Variants in PCDHGA6 observed in about 807,000 individuals in gnomAD.
The protein encoded by PCDHGA6 is protocadherin gamma subfamily A, 6, also known as protocadherin gamma-A6.
Under a neutral mutation model 60.6 loss-of-function variants are expected in PCDHGA6, and 41 were observed. The ratio of observed to expected loss-of-function variants is 0.68; its 90% CI spans 0.53 to 0.88. The LOEUF is 0.88. Ranked by LOEUF, PCDHGA6 falls within the 40% of genes least tolerant of loss-of-function variation. The pLI is 0.00. For missense variants in PCDHGA6, 1,312 were observed against 1,203.0 expected (o/e 1.09, Z -1.34); for synonymous variants, 594 against 524.4 (o/e 1.13, Z -1.81).
rs548065153 is a variant in PCDHGA6, at chr5:141,375,535, C to T, written c.1452C>T (p.Asn484=). The change falls in exon 1 of 4, where the codon AAC becomes AAT. Residue 484 remains asparagine, a synonymous_variant. Coordinates refer to ENST00000517434, the MANE Select transcript of PCDHGA6 (RefSeq NM_018919.3). ...VNALDPDVDQ[N]AQVSYSLAED... ...CACTGGACCCTGACGTGGACCAGAA[C>T]GCCCAAGTCTCCTACTCACTGGCAG... 89 of 1,614,018 alleles carry T rather than the reference C, an allele frequency of 5.5e-5. No individual in the cohort carries two copies. Among genetic ancestry groups the T allele is most frequent in the Non-Finnish European group, 6.9e-5 (82 of 1,179,930 alleles).
At position 141,414,131 on chromosome 5, in the gene PCDHGA6, A is replaced by G. The variant is rs977911874; in HGVS notation, c.2424+37624A>G. 1.9e-6 allele frequency: 3 copies of G among 1,594,622 alleles called. No homozygotes were observed. The highest frequency in any genetic ancestry group is 2.7e-5 in the African/African-American group (2 of 74,402). The stretch of plus-strand genomic sequence containing the variant: ...CTAGATTATGAAGAAACCGGTTTCT[A>G]TGAAATAGAAATACAAGCAGAAGAT... On this transcript the variant is annotated intron_variant, in intron 1 of 3. Transcript: ENST00000517434.
At chr5:141,441,746 C>CGTCAA in intron 1 of PCDHGA6, 1 of 371,314 alleles carries the variant, frequency 2.7e-6, no homozygotes, top group Non-Finnish European at 5.4e-6. Context: ...TCGCGCTCGG[C>CGTCAA]GTCAACGTGA....
rs1304554303 is a variant in PCDHGA6, at chr5:141,403,611, C to G, written c.2424+27104C>G. 3 of 1,613,860 alleles carry G rather than the reference C, an allele frequency of 1.9e-6. No homozygotes were observed. The highest frequency in any genetic ancestry group is 2.5e-6 in the Non-Finnish European group (3 of 1,179,892). Reference sequence around the variant, plus strand: ...CTCACGGCCTCGGATGGCGGCGAGCCGCGTCGCTCCAGCACAGTGCGCATC... The same window carrying G: ...CTCACGGCCTCGGATGGCGGCGAGCGGCGTCGCTCCAGCACAGTGCGCATC... On this transcript the variant is annotated intron_variant, in intron 1 of 3. Transcript: ENST00000517434.
chr5:141,438,733 C>T (rs2098057443), intron 1 of PCDHGA6, among the ~76,000 whole-genome samples: 1 of 149,042 alleles, frequency 6.7e-6, no homozygotes, highest in Non-Finnish European at 1.5e-5. Context: ...GTGATCTCAG[C>T]TCACTGCAAC....
chr5:141,389,230 T>G, intron 1 of PCDHGA6: 1 of 1,613,936 alleles, frequency 6.2e-7, no homozygotes, highest in Non-Finnish European at 8.5e-7. Flanking sequence ...AACGCTCCGG[T>G]TTTCTCACAG....
chr5:141,477,312 T>G lies in PCDHGA6; in HGVS notation c.2425-17495T>G. On this transcript the variant is annotated intron_variant, in intron 1 of 3. Coordinates refer to ENST00000517434, the MANE Select transcript of PCDHGA6 (RefSeq NM_018919.3). This position sits in a 1 kb window ranked among gnomAD's most constrained non-coding sequence, Gnocchi z 4.9. ...GTTCCACCGGGTCTCCCTTTCAGCC[T>G]TACTTCTTCCCTCAAGAATTACTTC... The G allele has an allele frequency of 1.2e-6, 2 of 1,614,162 alleles. No individual in the cohort carries two copies. The highest frequency in any genetic ancestry group is 1.7e-6 in the Non-Finnish European group (2 of 1,180,032).
rs200715621 is a variant in PCDHGA6 at position 141,432,628 on chromosome 5, G to A, written c.2424+56121G>A. 3.2e-4 allele frequency: 515 copies of A among 1,611,902 alleles called. No individual in the cohort carries two copies. Among genetic ancestry groups the A allele is most frequent in the Non-Finnish European group, 4.2e-4 (497 of 1,179,404 alleles). On this transcript the variant is annotated intron_variant, in intron 1 of 3. Coordinates refer to ENST00000517434, the MANE Select transcript of PCDHGA6 (RefSeq NM_018919.3). The surrounding 1 kb of genome is among the most constrained non-coding windows in gnomAD (Gnocchi z 6.0). ...GACTCTTCTCGGTGGGTCTGCACAC[G>A]GGCGAGGTGCGCACGGCGCGAGCCC...
chr5:141,410,847 G>GTATTTTTTT, intron 1 of PCDHGA6: 1 of 158,252 alleles, frequency 6.3e-6, no homozygotes, highest in African/African-American at 8.4e-5. Context: ...TTTTGTCTTT[G>GTATTTTTTT]TCTTTTTTTT....
Position 141,432,759 on chromosome 5 carries a change from G to A in PCDHGA6, c.2424+56252G>A. 6.2e-7 allele frequency: 1 copy of A among 1,614,150 alleles called. No individual in the cohort carries two copies. The highest frequency in any genetic ancestry group is 8.5e-7 in the Non-Finnish European group (1 of 1,180,006). On this transcript the variant is annotated intron_variant, in intron 1 of 3. Coordinates refer to ENST00000517434, the MANE Select transcript of PCDHGA6 (RefSeq NM_018919.3). This position sits in a 1 kb window ranked among gnomAD's most constrained non-coding sequence, Gnocchi z 6.0. ...ACGCTCACCGTGGCCGTGGCCGACA[G>A]CATCCCCCAAGTCCTGGCGGACCTC...
intron 1 of PCDHGA6, chr5:141,405,569 A>G: frequency 1.7e-6 from 1 of 604,184 alleles, no homozygotes. Context: ...GGACTAGAGT[A>G]GAGTAGCTGG....
chr5:141,510,223 G>C (rs944276162), intron 3 of PCDHGA6, among the ~76,000 whole-genome samples: 1 of 151,302 alleles, frequency 6.6e-6, no homozygotes, highest in African/African-American at 2.4e-5. Context: ...CAGTGAGCCG[G>C]GATCGCGCCA....
chr5:141,482,923 AT>A (rs1193255251), intron 1 of PCDHGA6, among the ~76,000 whole-genome samples: 10 of 152,074 alleles, frequency 6.6e-5, no homozygotes, highest in Non-Finnish European at 1.5e-4. Context: ...AATACAAAAA[AT>A]TAGCCAGGTG....
intron 1 of PCDHGA6, among the ~76,000 whole-genome samples, chr5:141,397,601 T>C (rs1225684125): frequency 5.3e-5 from 8 of 152,198 alleles, no homozygotes; most frequent in Admixed American, 3.3e-4. Flanking sequence ...ATATTGCCAG[T>C]GACAAGGGCA....
At chr5:141,478,586 T>C (rs754157570) in intron 1 of PCDHGA6, 6 of 1,576,788 alleles carry the variant, frequency 3.8e-6, no homozygotes, top group Non-Finnish European at 3.4e-6. Context: ...GTTAGTGCTT[T>C]TTTATTCCTA....
At position 141,427,625 on chromosome 5, in the gene PCDHGA6, T is replaced by G. The variant is rs150347956; in HGVS notation, c.2424+51118T>G. On this transcript the variant is annotated intron_variant, in intron 1 of 3. Coordinates refer to ENST00000517434, the MANE Select transcript of PCDHGA6 (RefSeq NM_018919.3). Reference sequence around the variant, plus strand: ...GCATTGGTGAAGTCAACGACAATGCTCCGGTTTTCCACCAAGTCTCCTACG... The same window carrying G: ...GCATTGGTGAAGTCAACGACAATGCGCCGGTTTTCCACCAAGTCTCCTACG... The G allele has an allele frequency of 2.7e-3, 1,907 of 699,068 alleles. 5 individuals are homozygous for G. The highest frequency in any genetic ancestry group is 4.1e-3 in the Non-Finnish European group (1,558 of 384,098). The allele number at this position is 699,068 out of a possible 1,614,324, so 43.3% of individuals were successfully genotyped here.
chr5:141,505,443 C>A lies in PCDHGA6; in HGVS notation c.2534C>A (p.Thr845Lys). ...TGTWPNNQFD[T>K]EMLQAMILAS... ...ACCTGGCCCAACAACCAGTTTGACA[C>A]AGAGATGCTGCAAGCCATGATCTTG... Residue 845 changes from threonine to lysine, a missense_variant, in exon 3 of 4, where the codon ACA becomes AAA. Physicochemically the swap from Thr to Lys is moderately conservative, Grantham distance 78. Transcript: ENST00000517434. 2 of 1,614,224 alleles carry A rather than the reference C, an allele frequency of 1.2e-6. No homozygotes were observed. Among genetic ancestry groups the A allele is most frequent in the Non-Finnish European group, 8.5e-7 (1 of 1,180,042 alleles).
chr5:141,471,786 A>AT (rs531568169), intron 1 of PCDHGA6, among the ~76,000 whole-genome samples: 23 of 152,362 alleles, frequency 1.5e-4, no homozygotes, highest in African/African-American at 5.5e-4. Flanking sequence ...ACATTATGCT[A>AT]TGTCATATAA....
intron 1 of PCDHGA6, among the ~76,000 whole-genome samples, chr5:141,445,429 C>G (rs974775529): frequency 2.6e-5 from 4 of 152,200 alleles, no homozygotes; most frequent in Non-Finnish European, 5.9e-5. Flanking sequence ...ATGCAAGGCA[C>G]TGACCTATGG....
intron 1 of PCDHGA6, chr5:141,413,112 G>A (rs1589839162): frequency 6.7e-7 from 1 of 1,502,662 alleles, no homozygotes; most frequent in East Asian, 2.3e-5. Flanking sequence ...GAAAGACAAA[G>A]GAACCGGTTG....
Sources: allele counts gnomAD v4.1 joint callset (sites outside exome capture counted in the v4.1 genomes callset), GRCh38; gene constraint gnomAD v4.1.1; non-coding constraint Gnocchi (gnomAD v3.1); transcripts MANE v1.5; gene names NCBI Gene and HGNC (gene_info 2026-07-23, HGNC 2026-07-21).